Variants in SGK1 observed in about 807,000 individuals in gnomAD.
SGK1 encodes serum/glucocorticoid regulated kinase 1, also known as serine/threonine-protein kinase Sgk1.
In SGK1, 26 loss-of-function variants were observed where a neutral mutation model predicts 64.2. The ratio of observed to expected loss-of-function variants is 0.40; its 90% CI spans 0.30 to 0.56. The LOEUF (loss-of-function observed/expected upper bound fraction) is 0.56, where lower values mean the gene tolerates loss of function less well. SGK1 is among the 20% of genes least tolerant of loss of function. SGK1 has a pLI of 0.38. For missense variants in SGK1, 519 were observed against 645.6 expected, an observed-to-expected ratio of 0.80 and a Z score of 2.12; for synonymous variants, 265 against 239.7, an observed-to-expected ratio of 1.11 and a Z score of -0.98.
intron 1 of SGK1, among the ~76,000 whole-genome samples, chr6:134,264,279 C>T (rs1257015210): frequency 6.6e-6 from 1 of 152,030 alleles, no homozygotes; most frequent in Admixed American, 6.6e-5. Context: ...GCCACCATGC[C>T]TGGCTAATTT....
chr6:134,305,510 T>C (rs965822602), intron 1 of SGK1, among the ~76,000 whole-genome samples: 1 of 151,078 alleles, frequency 6.6e-6, no homozygotes, highest in Non-Finnish European at 1.5e-5. Flanking sequence ...GAAGCAGAGA[T>C]TGCAGTGAGC....
intron 2 of SGK1, among the ~76,000 whole-genome samples, chr6:134,259,188 T>TTGTTTCCTTTTCC (rs1325771408): frequency 1.6e-4 from 24 of 152,178 alleles, no homozygotes; most frequent in Non-Finnish European, 2.2e-4. Flanking sequence ...TTGTGTGGAA[T>TTGTTTCCTTTTCC]TTCACTGTTG....
At chr6:134,278,029 G>T (rs1008697356) in intron 1 of SGK1, among the ~76,000 whole-genome samples, 1 of 152,132 alleles carries the variant, frequency 6.6e-6, no homozygotes, top group Non-Finnish European at 1.5e-5. Context: ...ACTTGAAGGC[G>T]CTTATCCGTA....
chr6:134,250,060 T>C lies in SGK1; in HGVS notation c.285+11873A>G, dbSNP rs1451161132. ...AAGTTCCTGAATTTTTTTTCTCACA[T>C]AGAAATCTAGATGAATCCCCTGAAA... On this transcript the variant is annotated intron_variant, in intron 2 of 13. Transcript: ENST00000367858. Among the ~76,000 whole-genome samples, 7 of 152,114 alleles carry C rather than the reference T, an allele frequency of 4.6e-5. No homozygotes were observed. In the East Asian group the frequency reaches 9.6e-4, roughly 21 times the overall value.
chr6:134,210,573 C>A (rs1443005500), intron 2 of SGK1, among the ~76,000 whole-genome samples: 1 of 152,068 alleles, frequency 6.6e-6, no homozygotes, highest in African/African-American at 2.4e-5. Context: ...CACCTGTAAT[C>A]CCAGCACTTT....
At chr6:134,175,828 T>G in intron 3 of SGK1, 1 of 1,273,632 alleles carries the variant, frequency 7.9e-7, no homozygotes. Flanking sequence ...ACGCCTTTTT[T>G]GTGCTTTTGG....
At chr6:134,178,577 C>T (rs1775284078) in intron 3 of SGK1, among the ~76,000 whole-genome samples, 1 of 152,194 alleles carries the variant, frequency 6.6e-6, no homozygotes, top group South Asian at 2.1e-4. Flanking sequence ...GGGAGGAATC[C>T]GGCCCCTTTC....
intron 1 of SGK1, among the ~76,000 whole-genome samples, chr6:134,268,112 G>GT (rs1776881133): frequency 6.6e-6 from 1 of 152,212 alleles, no homozygotes; most frequent in South Asian, 2.1e-4. Flanking sequence ...AAACTGCTGA[G>GT]TAGAGAAATC....
At chr6:134,276,130 T>C (rs1777013945) in intron 1 of SGK1, among the ~76,000 whole-genome samples, 1 of 152,204 alleles carries the variant, frequency 6.6e-6, no homozygotes, top group Admixed American at 6.5e-5. Context: ...GGAAAGAGAC[T>C]CACTATTACA....
intron 1 of SGK1, among the ~76,000 whole-genome samples, chr6:134,302,409 C>A (rs1249426601): frequency 1.3e-5 from 2 of 152,206 alleles, no homozygotes; most frequent in South Asian, 2.1e-4. Context: ...ATGTTCACTA[C>A]TTCCTAAGCC....
chr6:134,209,652 C>T (rs537685744), intron 2 of SGK1, among the ~76,000 whole-genome samples: 1 of 152,092 alleles, frequency 6.6e-6, no homozygotes, highest in Non-Finnish European at 1.5e-5. Context: ...TTTAGTTTCA[C>T]CGACATTTTC....
chr6:134,185,807 G>A (rs1317695226), intron 3 of SGK1, among the ~76,000 whole-genome samples: 3 of 152,096 alleles, frequency 2.0e-5, no homozygotes, highest in Non-Finnish European at 4.4e-5. Context: ...GAATCCGGGG[G>A]CTGCTGGTGT....
At chr6:134,235,696 C>A (rs572857492) in intron 2 of SGK1, among the ~76,000 whole-genome samples, 1 of 151,736 alleles carries the variant, frequency 6.6e-6, no homozygotes, top group African/African-American at 2.4e-5. Context: ...CTCAGCCTCT[C>A]GAGTAGCTGG....
At position 134,173,532 on chromosome 6, in the gene SGK1, G is replaced by A. The variant is rs200398601; in HGVS notation, c.548C>T (p.Ser183Leu). Residue 183 changes from serine (S) to leucine (L), a missense_variant, in exon 6 of 14, where the codon TCG becomes TTG. Ser to Leu is a moderately radical substitution (Grantham distance 145, BLOSUM62 -2). Coordinates refer to ENST00000367858, the MANE Select transcript of SGK1 (RefSeq NM_001143676.3). Reference sequence around the variant, plus strand: ...AGATGGTTTAGCATGAGGATTGGACGACGGGCCAAGGTTGATTTGCTGAGA... The same window carrying A: ...AGATGGTTTAGCATGAGGATTGGACAACGGGCCAAGGTTGATTTGCTGAGA... ...SPSQQINLGP[S>L]SNPHAKPSDF... 72 of 1,611,164 alleles carry A rather than the reference G, an allele frequency of 4.5e-5. No homozygotes were observed. The highest frequency in any genetic ancestry group is 5.4e-5 in the Non-Finnish European group (64 of 1,179,244).
chr6:134,304,752 A>T (rs1777510479), intron 1 of SGK1, among the ~76,000 whole-genome samples: 1 of 152,204 alleles, frequency 6.6e-6, no homozygotes, highest in Admixed American at 6.5e-5. Context: ...AAGAGAAAAA[A>T]AAACAAGGCA....
intron 1 of SGK1, among the ~76,000 whole-genome samples, chr6:134,310,152 G>A (rs1226896965): frequency 1.3e-5 from 2 of 151,490 alleles, no homozygotes; most frequent in Non-Finnish European, 2.9e-5. Flanking sequence ...ATATGGGTGA[G>A]CTCAGAATAT....
chr6:134,171,181 G>C lies in SGK1; in HGVS notation c.1168-3C>G. 6.2e-7 allele frequency: 1 copy of C among 1,613,776 alleles called. No homozygotes were observed. The highest frequency in any genetic ancestry group is 1.1e-5 in the South Asian group (1 of 91,028). On this transcript the variant is annotated splice_region_variant and splice_polypyrimidine_tract_variant and intron_variant, in intron 11 of 13. Transcript: ENST00000367858. ...GTGTTTCGGCTATAAAAAGGCGGCT[G>C]AAAGAAGGGGAAAATTACTTTAGAC...
intron 3 of SGK1, among the ~76,000 whole-genome samples, chr6:134,190,753 A>T (rs1775497488): frequency 6.6e-6 from 1 of 152,346 alleles, no homozygotes; most frequent in South Asian, 2.1e-4. Flanking sequence ...CTTCTTAAAA[A>T]TAATGTTAAA....
Position 134,316,743 on chromosome 6 carries a change from CAAAAAAAAAAAAAA to C in SGK1, c.69+635_69+648del, listed in dbSNP as rs141130901. On this transcript the variant is annotated intron_variant, in intron 1 of 13. Transcript: ENST00000367858. ...ATACAGACCTCCCACTGCTCTCTCC[CAAAAAAAAAAAAAA>C]AAAAAAAAAAAAAAAGGCAGTTATT... Among the ~76,000 whole-genome samples, 7 of 39,286 alleles carry C rather than the reference CAAAAAAAAAAAAAA, an allele frequency of 1.8e-4. 1 individual carries two copies. Among genetic ancestry groups the C allele is most frequent in the African/African-American group, 4.3e-4 (4 of 9,220 alleles). The allele number at this position is 39,286 out of a possible 152,430, so 25.8% of individuals were successfully genotyped here. A position where few individuals can be genotyped will look rare whatever the true frequency, so the allele number is the denominator to read the frequency against.
Sources: allele counts gnomAD v4.1 joint callset (sites outside exome capture counted in the v4.1 genomes callset), GRCh38; gene constraint gnomAD v4.1.1; transcripts MANE v1.5; gene names NCBI Gene and HGNC (gene_info 2026-07-23, HGNC 2026-07-21).